The following SGCD variants were observed in gnomAD, a reference collection of about 807,000 sequenced individuals.
The protein encoded by SGCD is sarcoglycan delta, also known as delta-sarcoglycan.
Under a neutral mutation model 36.6 loss-of-function variants are expected in SGCD, and 18 were observed. The ratio of observed to expected loss-of-function variants is 0.49; its 90% CI spans 0.34 to 0.73. SGCD has a LOEUF of 0.73. SGCD is among the 30% of genes least tolerant of loss of function. SGCD has a pLI of 0.01. For synonymous variants in SGCD, 133 were observed against 130.6 expected (o/e 1.02, Z -0.12); for missense variants, 387 against 346.7 (o/e 1.12, Z -0.92).
chr5:156,574,146 G>C (rs1218040869), intron 4 of SGCD, among the ~76,000 whole-genome samples: 1 of 152,178 alleles, frequency 6.6e-6, no homozygotes, highest in African/African-American at 2.4e-5. Flanking sequence ...TGGGGAAATG[G>C]AGATACAGCA....
rs1212912824 is a variant in SGCD, at chr5:156,764,599, A to T, written c.*5209A>T. 6.6e-6 allele frequency: 1 copy of T among 152,590 alleles called. No homozygotes were observed. The highest frequency in any genetic ancestry group is 1.9e-4 in the East Asian group (1 of 5,194). The allele number at this position is 152,590 out of a possible 1,614,324, so 9.5% of individuals were successfully genotyped here. On this transcript the variant is annotated 3_prime_UTR_variant, in exon 9 of 9. Transcript: ENST00000337851. ...TATTGTTAGAGCATACATGTAAAAGAAAATAACCTTTTTGGGGCAACTCAT... is the reference window on the plus strand; with the variant it reads ...TATTGTTAGAGCATACATGTAAAAGTAAATAACCTTTTTGGGGCAACTCAT...
At chr5:156,168,495 A>G (rs1763264705) in intron 3 of SGCD, among the ~76,000 whole-genome samples, 1 of 152,152 alleles carries the variant, frequency 6.6e-6, no homozygotes, top group African/African-American at 2.4e-5. Flanking sequence ...GGACTGCTTG[A>G]GCCCAGCAGG....
chr5:155,914,141 TTC>T (rs1440990495), intron 1 of SGCD, among the ~76,000 whole-genome samples: 1 of 152,188 alleles, frequency 6.6e-6, no homozygotes, highest in Non-Finnish European at 1.5e-5. Flanking sequence ...AACTTGGAAC[TTC>T]TCATGCCTTT....
rs1254709610 is a variant in SGCD, at chr5:156,486,277, T to C, written c.193-22324T>C. On this transcript the variant is annotated intron_variant, in intron 3 of 8. Coordinates refer to ENST00000337851, the MANE Select transcript of SGCD (RefSeq NM_000337.6). ...AGAACTCTATCACACATGATGTCCC[T>C]ACTCCTTGGGAAACAGGCAATGCAG... is the stretch of plus-strand genomic sequence containing the variant. 2.6e-5 allele frequency among the ~76,000 whole-genome samples: 4 copies of C among 152,108 alleles called. No homozygotes were observed. In the East Asian group the frequency reaches 7.8e-4, roughly 30 times the overall value.
At chr5:156,379,232 TAAG>T (rs1488817997) in intron 3 of SGCD, among the ~76,000 whole-genome samples, 1 of 152,160 alleles carries the variant, frequency 6.6e-6, no homozygotes, top group African/African-American at 2.4e-5. Flanking sequence ...TGATAATTGC[TAAG>T]GAGGAAAAAT....
chr5:156,535,451 A>G (rs1206026070), intron 4 of SGCD, among the ~76,000 whole-genome samples: 2 of 152,212 alleles, frequency 1.3e-5, no homozygotes, highest in Admixed American at 1.3e-4. Flanking sequence ...GGCAGACTCA[A>G]TGAGATTCCA....
chr5:155,992,554 A>C (rs1758454574), intron 1 of SGCD, among the ~76,000 whole-genome samples: 1 of 152,324 alleles, frequency 6.6e-6, no homozygotes, highest in Non-Finnish European at 1.5e-5. Context: ...AAACAGCATA[A>C]TCAGGAATTC....
At chr5:156,132,456 G>GGCTTTTTTTTTTTTT in intron 3 of SGCD, among the ~76,000 whole-genome samples, 1 of 73,586 alleles carries the variant, frequency 1.4e-5, no homozygotes, top group Non-Finnish European at 2.7e-5. Context: ...AACTTACCAA[G>GGCTTTTTTTTTTTTT]TCTTTTTTTT....
chr5:156,336,136 C>T lies in SGCD; in HGVS notation c.3+6557C>T, dbSNP rs190754850. Among the ~76,000 whole-genome samples, 24 of 152,294 alleles carry T rather than the reference C, an allele frequency of 1.6e-4. No individual in the cohort carries two copies. The South Asian group carries it at 2.1e-3, about 13-fold the overall frequency. On this transcript the variant is annotated intron_variant, in intron 2 of 8. Transcript: ENST00000337851. The stretch of plus-strand genomic sequence containing the variant: ...AAGCTAATTTTCAAACATTCTCCTC[C>T]GGTGCACTCTGATCTAGCCACACTG...
At chr5:156,126,792 C>T (rs550895304) in intron 3 of SGCD, among the ~76,000 whole-genome samples, 1 of 152,236 alleles carries the variant, frequency 6.6e-6, no homozygotes, top group African/African-American at 2.4e-5. Context: ...TTAGAAAGGC[C>T]GTCTAATTCT....
chr5:156,678,814 A>G (rs186235580), intron 7 of SGCD, among the ~76,000 whole-genome samples: 10 of 152,352 alleles, frequency 6.6e-5, no homozygotes, highest in African/African-American at 1.9e-4. Context: ...TGAGCAGTGT[A>G]TGCCCTATTA....
At chr5:155,880,507 C>T (rs904741677) in intron 1 of SGCD, among the ~76,000 whole-genome samples, 3 of 152,230 alleles carry the variant, frequency 2.0e-5, no homozygotes, top group African/African-American at 2.4e-5. Context: ...TACATCTCCC[C>T]TGGTGTCTGT....
intron 1 of SGCD, among the ~76,000 whole-genome samples, chr5:155,912,579 T>G (rs1756651823): frequency 6.6e-6 from 1 of 152,108 alleles, no homozygotes; most frequent in Non-Finnish European, 1.5e-5. Context: ...TTCATATATT[T>G]TTTGTGTGTG....
chr5:156,542,585 TC>T (rs2113155783), intron 4 of SGCD, among the ~76,000 whole-genome samples: 1 of 152,318 alleles, frequency 6.6e-6, no homozygotes, highest in Non-Finnish European at 1.5e-5. Flanking sequence ...CATGTAATGC[TC>T]CTAGTAACTC....
intron 1 of SGCD, among the ~76,000 whole-genome samples, chr5:155,939,149 CTA>C (rs1757274040): frequency 1.3e-5 from 2 of 152,082 alleles, no homozygotes; most frequent in African/African-American, 4.8e-5. Flanking sequence ...AGCATGGCAA[CTA>C]TAATAAATAA....
chr5:156,017,926 G>A (rs1447002723), intron 1 of SGCD, among the ~76,000 whole-genome samples: 3 of 152,138 alleles, frequency 2.0e-5, no homozygotes, highest in Admixed American at 6.5e-5. Flanking sequence ...TTGGGAGGCC[G>A]AGACTGGAGG....
At position 156,534,586 on chromosome 5, in the gene SGCD, T is replaced by C. The variant is rs1426553520; in HGVS notation, c.294+25884T>C. On this transcript the variant is annotated intron_variant, in intron 4 of 8. Coordinates refer to ENST00000337851, the MANE Select transcript of SGCD (RefSeq NM_000337.6). ...CTTTCCGTGGATATCTTCCTTCCCATGGGAAGACTTGCATCAAGGTGCTTG... is the reference window on the plus strand; with the variant it reads ...CTTTCCGTGGATATCTTCCTTCCCACGGGAAGACTTGCATCAAGGTGCTTG... Among the ~76,000 whole-genome samples, 9 of 152,196 alleles carry C rather than the reference T, an allele frequency of 5.9e-5. No homozygotes were observed. The South Asian group carries it at 6.2e-4, about 10-fold the overall frequency.
chr5:156,753,699 G>A (rs563377866), intron 7 of SGCD, among the ~76,000 whole-genome samples: 27 of 152,294 alleles, frequency 1.8e-4, no homozygotes, highest in Middle Eastern at 6.8e-3. Context: ...TGGCAGGAAG[G>A]AGAAGTGCCA....
the SGCD span, among the ~76,000 whole-genome samples, chr5:155,768,125 A>T: frequency 2.4e-4 from 37 of 152,116 alleles, no homozygotes; most frequent in Non-Finnish European, 5.0e-4. Flanking sequence ...GAGGAGAAAA[A>T]TAGGTGAGGG....
Sources: gnomAD v4.1 joint callset for allele counts (sites outside exome capture counted in the v4.1 genomes callset) on GRCh38, gnomAD v4.1.1 for gene constraint, MANE v1.5 for transcripts, NCBI Gene and HGNC (gene_info 2026-07-23, HGNC 2026-07-21) for gene names.